Variants in TIAM2 observed in about 807,000 individuals in gnomAD.
The protein encoded by TIAM2 is TIAM Rac1 associated GEF 2.
Under a neutral mutation model 152.9 loss-of-function variants are expected in TIAM2, and 80 were observed. The observed-to-expected ratio is 0.52, with a 90% CI of 0.44 to 0.63. The LOEUF is 0.63. Ranked by LOEUF, TIAM2 falls within the 30% of genes least tolerant of loss-of-function variation. TIAM2 has a pLI of 0.00. For synonymous variants in TIAM2, 804 were observed against 838.0 expected (o/e 0.96, Z 0.70); for missense variants, 1,965 against 2,120.1 (o/e 0.93, Z 1.44).
chr6:155,032,197 C>T (rs938091655), intron 1 of TIAM2, among the ~76,000 whole-genome samples: 2 of 152,146 alleles, frequency 1.3e-5, no homozygotes, highest in African/African-American at 2.4e-5. Flanking sequence ...TGTGTTTTCT[C>T]CTGGTGCATA....
chr6:155,242,066 G>A (rs539713318), intron 16 of TIAM2, among the ~76,000 whole-genome samples: 1 of 152,318 alleles, frequency 6.6e-6, no homozygotes, highest in Admixed American at 6.5e-5. Context: ...GGTGTCATGG[G>A]TGAAGTAGAC....
At chr6:155,152,387 A>G (rs890207879) in intron 7 of TIAM2, among the ~76,000 whole-genome samples, 2 of 152,230 alleles carry the variant, frequency 1.3e-5, no homozygotes, top group Non-Finnish European at 2.9e-5. Context: ...GCCCCTCTTA[A>G]GGGGCCTCAC....
At chr6:155,181,480 A>G (rs1224065327) in intron 12 of TIAM2, among the ~76,000 whole-genome samples, 1 of 152,222 alleles carries the variant, frequency 6.6e-6, no homozygotes, top group Admixed American at 6.5e-5. Context: ...ATAGACATAT[A>G]ACATAAAATT....
At chr6:155,002,673 T>TTTTATTTATTTATTTATTTATTTA (rs140724297) in intron 1 of TIAM2, among the ~76,000 whole-genome samples, 20,558 of 150,064 alleles carry the variant, frequency 0.14, 1,694 homozygotes, top group East Asian at 0.28. Context: ...GCTTTGCTTG[T>TTTTATTTATTTATTTATTTATTTA]TTTATTTATT....
chr6:155,072,859 C>G (rs958536247), intron 1 of TIAM2, among the ~76,000 whole-genome samples: 1 of 152,138 alleles, frequency 6.6e-6, no homozygotes, highest in Non-Finnish European at 1.5e-5. Flanking sequence ...CACCTGTCGT[C>G]AGGGAGCCAC....
In TIAM2 at chr6:155,094,458, C is replaced by T. The variant is rs564079156; in HGVS notation, c.-118+4079C>T. 7.9e-5 allele frequency among the ~76,000 whole-genome samples: 12 copies of T among 151,498 alleles called. 3 individuals carry two copies. The highest frequency in any genetic ancestry group is 4.2e-4 in the South Asian group (2 of 4,786). ...AAGAGGGTATATTTTGGATGTATGC[C>T]GAAGTATACTTGTAGAAGTCTAACT... On this transcript the variant is annotated intron_variant, in intron 2 of 26. Coordinates refer to ENST00000682666, the MANE Select transcript of TIAM2 (RefSeq NM_012454.4).
chr6:155,063,781 CAAAAAA>C (rs56808026), intron 1 of TIAM2, among the ~76,000 whole-genome samples: 7 of 91,100 alleles, frequency 7.7e-5, no homozygotes, highest in African/African-American at 2.7e-4. Context: ...GACTCTGTCT[CAAAAAA>C]AAAAAAAAAA....
At chr6:155,228,822 C>A (rs1283215687) in intron 15 of TIAM2, among the ~76,000 whole-genome samples, 1 of 152,214 alleles carries the variant, frequency 6.6e-6, no homozygotes, top group Non-Finnish European at 1.5e-5. Flanking sequence ...ACCGCTCTGG[C>A]ACCAGCTGCT....
At chr6:155,111,644 G>A (rs1778853780) in intron 2 of TIAM2, among the ~76,000 whole-genome samples, 1 of 152,134 alleles carries the variant, frequency 6.6e-6, no homozygotes, top group South Asian at 2.1e-4. Context: ...TTGCTCTAGA[G>A]CCACCTCCTC....
chr6:155,247,855 G>C lies in TIAM2; in HGVS notation c.3653-145G>C, dbSNP rs1051095466. On this transcript the variant is annotated intron_variant, in intron 19 of 26. Coordinates refer to ENST00000682666, the MANE Select transcript of TIAM2 (RefSeq NM_012454.4). ...ATCCCACGCTGACAGCTGGGTGCCT[G>C]ACCCACTGATGTGTTGGGGTTTTCA... The C allele has an allele frequency of 1.7e-5, 18 of 1,038,046 alleles. No homozygotes were observed. The African/African-American group carries it at 2.1e-4, about 12-fold the overall frequency. The allele number at this position is 1,038,046 out of a possible 1,614,324, so 64.3% of individuals were successfully genotyped here. A position where few individuals can be genotyped will look rare whatever the true frequency, so the allele number is the denominator to read the frequency against.
At chr6:155,163,073 G>C (rs1452908317) in intron 7 of TIAM2, among the ~76,000 whole-genome samples, 3 of 152,192 alleles carry the variant, frequency 2.0e-5, no homozygotes, top group Non-Finnish European at 4.4e-5. Flanking sequence ...AGTGTCCAGT[G>C]TTGGAAATCC....
intron 1 of TIAM2, among the ~76,000 whole-genome samples, chr6:155,044,947 G>A (rs1272553969): frequency 6.6e-6 from 1 of 151,716 alleles, no homozygotes; most frequent in African/African-American, 2.4e-5. Context: ...ATTTAGCACG[G>A]TGCATTTTAT....
intron 1 of TIAM2, among the ~76,000 whole-genome samples, chr6:155,029,063 T>C (rs1397270460): frequency 8.7e-6 from 1 of 114,896 alleles, no homozygotes; most frequent in African/African-American, 3.9e-5. Flanking sequence ...ATATACACTG[T>C]ATATACTATA....
intron 1 of TIAM2, chr6:155,016,293 A>G (rs1258345550): frequency 1.3e-5 from 2 of 152,242 alleles, no homozygotes; most frequent in Admixed American, 6.5e-5. Context: ...ACAGTTGGAT[A>G]AGATGTCACA....
intron 15 of TIAM2, among the ~76,000 whole-genome samples, chr6:155,225,296 C>T (rs545217597): frequency 6.6e-6 from 1 of 152,268 alleles, no homozygotes; most frequent in South Asian, 2.1e-4. Flanking sequence ...TTCATTCAGG[C>T]ATAGATAAAG....
At chr6:155,145,221 C>T (rs1779794449) in intron 6 of TIAM2, among the ~76,000 whole-genome samples, 1 of 152,116 alleles carries the variant, frequency 6.6e-6, no homozygotes, top group African/African-American at 2.4e-5. Flanking sequence ...TAGACAAATG[C>T]TATGAGGTCT....
intron 1 of TIAM2, among the ~76,000 whole-genome samples, chr6:155,060,937 T>C (rs1221257802): frequency 6.6e-6 from 1 of 151,874 alleles, no homozygotes; most frequent in African/African-American, 2.4e-5. Context: ...AAAGCACTTT[T>C]GGGCTAGCTC....
intron 19 of TIAM2, among the ~76,000 whole-genome samples, chr6:155,246,998 C>T (rs1783375788): frequency 6.6e-6 from 1 of 152,226 alleles, no homozygotes; most frequent in African/African-American, 2.4e-5. Context: ...GATTCCTACA[C>T]ACACCCTTCA....
At position 155,213,184 on chromosome 6, in the gene TIAM2, G is replaced by A. The variant is rs914259422; in HGVS notation, c.3168+1877G>A. Among the ~76,000 whole-genome samples, 9 of 152,172 alleles carry A rather than the reference G, an allele frequency of 5.9e-5. No homozygotes were observed. The highest frequency in any genetic ancestry group is 3.9e-4 in the East Asian group (2 of 5,164). ...TCAGCCCTGCCGTTAGGCAGGTCCC[G>A]AATTCTTGTCCCATGACCAGGAAGA... On this transcript the variant is annotated intron_variant, in intron 15 of 26. Transcript: ENST00000682666. This position sits in a 1 kb window ranked among gnomAD's most constrained non-coding sequence, Gnocchi z 4.2.
Sources: allele counts gnomAD v4.1 joint callset (sites outside exome capture counted in the v4.1 genomes callset), GRCh38; gene constraint gnomAD v4.1.1; non-coding constraint Gnocchi (gnomAD v3.1); transcripts MANE v1.5; gene names NCBI Gene and HGNC (gene_info 2026-07-23, HGNC 2026-07-21).